NCALD: variants seen among roughly 807,000 people sequenced by gnomAD.
The protein encoded by NCALD is neurocalcin delta, also known as neurocalcin-delta.
A neutral mutation model predicts 18.6 loss-of-function variants in NCALD; 10 were observed. The observed-to-expected ratio is 0.54, with a 90% CI of 0.33 to 0.91. NCALD has a LOEUF of 0.91. Ranked by LOEUF, NCALD falls within the 40% of genes least tolerant of loss-of-function variation. The pLI is 0.03. For synonymous variants in NCALD, 88 were observed against 87.4 expected (o/e 1.01, Z -0.04); for missense variants, 184 against 247.6 (o/e 0.74, Z 1.72).
intron 4 of NCALD, among the ~76,000 whole-genome samples, chr8:101,886,638 T>C (rs1816684016): frequency 6.6e-6 from 1 of 152,204 alleles, no homozygotes; most frequent in African/African-American, 2.4e-5. Flanking sequence ...TAACAGGAAA[T>C]TCACTATTGC....
At chr8:102,117,938 G>A (rs1825839585) in intron 1 of NCALD, among the ~76,000 whole-genome samples, 1 of 152,192 alleles carries the variant, frequency 6.6e-6, no homozygotes, top group African/African-American at 2.4e-5. Flanking sequence ...CTGATTATTT[G>A]TCAGTCTTCA....
intron 4 of NCALD, among the ~76,000 whole-genome samples, chr8:101,864,593 C>CTTTTTTT (rs34516996): frequency 2.9e-5 from 4 of 136,884 alleles, no homozygotes; most frequent in Admixed American, 7.4e-5. Context: ...TCTTTCCTTT[C>CTTTTTTT]TTTTTTTTTT....
At chr8:101,727,739 A>G (rs1488763147) in intron 1 of NCALD, among the ~76,000 whole-genome samples, 1 of 152,202 alleles carries the variant, frequency 6.6e-6, no homozygotes, top group Non-Finnish European at 1.5e-5. Context: ...TAAAGTTAGA[A>G]TTCCCTCTTT....
intron 4 of NCALD, among the ~76,000 whole-genome samples, chr8:101,843,626 G>C (rs1814743623): frequency 7.4e-6 from 1 of 135,700 alleles, no homozygotes; most frequent in Non-Finnish European, 1.5e-5. Flanking sequence ...ACACAGGCTG[G>C]AGTGCAGTGG....
chr8:102,066,114 G>A (rs1317479440), intron 1 of NCALD, among the ~76,000 whole-genome samples: 1 of 152,220 alleles, frequency 6.6e-6, no homozygotes, highest in East Asian at 1.9e-4. Flanking sequence ...CCCGGAAGGT[G>A]AGGCCAGTCA....
At chr8:102,044,160 A>C (rs1303296967) in intron 1 of NCALD, among the ~76,000 whole-genome samples, 1 of 152,014 alleles carries the variant, frequency 6.6e-6, no homozygotes, top group African/African-American at 2.4e-5. Flanking sequence ...ATTTTTAAAA[A>C]GTTCTTTTTT....
At chr8:101,937,160 G>A (rs1165492908) in intron 2 of NCALD, among the ~76,000 whole-genome samples, 4 of 152,014 alleles carry the variant, frequency 2.6e-5, no homozygotes, top group African/African-American at 9.7e-5. Context: ...TCATTCTAGG[G>A]ATCCAGTGCT....
intron 2 of NCALD, among the ~76,000 whole-genome samples, chr8:101,945,237 C>A (rs917602302): frequency 6.6e-6 from 1 of 152,160 alleles, no homozygotes; most frequent in Non-Finnish European, 1.5e-5. Flanking sequence ...TTTATTGAGC[C>A]TCTACTATGT....
At chr8:102,080,011 C>A (rs950816046) in intron 1 of NCALD, among the ~76,000 whole-genome samples, 1 of 152,202 alleles carries the variant, frequency 6.6e-6, no homozygotes, top group Non-Finnish European at 1.5e-5. Flanking sequence ...TGTCAAATAA[C>A]AGGGAAGACG....
chr8:101,776,024 C>G lies in NCALD; in HGVS notation c.-20+14838G>C, dbSNP rs192133794. On this transcript the variant is annotated intron_variant, in intron 1 of 3. Transcript: ENST00000220931. Reference sequence around the variant, plus strand: ...GATGTGATGGGTACGCCCTTGGAGTCAGGGTCTCTGCCTCATCAAGTGAGG... The same window carrying G: ...GATGTGATGGGTACGCCCTTGGAGTGAGGGTCTCTGCCTCATCAAGTGAGG... Among the ~76,000 whole-genome samples the G allele has an allele frequency of 3.3e-5, 5 of 152,294 alleles. No homozygotes were observed. The East Asian group carries it at 9.6e-4, about 29-fold the overall frequency.
intron 4 of NCALD, among the ~76,000 whole-genome samples, chr8:101,806,624 G>A (rs1466709695): frequency 6.6e-6 from 1 of 152,102 alleles, no homozygotes; most frequent in Non-Finnish European, 1.5e-5. Context: ...AAAAAAGAAT[G>A]AGTGAGGCTG....
At chr8:102,054,867 C>T (rs372829944) in intron 1 of NCALD, among the ~76,000 whole-genome samples, 5 of 152,126 alleles carry the variant, frequency 3.3e-5, no homozygotes, top group Admixed American at 2.0e-4. Flanking sequence ...TCCACACACA[C>T]GTCTTATTGA....
At chr8:102,050,094 G>A (rs535567632) in intron 1 of NCALD, among the ~76,000 whole-genome samples, 16 of 144,082 alleles carry the variant, frequency 1.1e-4, no homozygotes, top group Admixed American at 1.0e-3. Flanking sequence ...CCCGGGAAGC[G>A]GAGCTTGCAG....
chr8:102,110,622 G>T (rs1337646775), intron 1 of NCALD, among the ~76,000 whole-genome samples: 1 of 152,204 alleles, frequency 6.6e-6, no homozygotes, highest in East Asian at 1.9e-4. Flanking sequence ...GGTAAAAGAA[G>T]ATGAAATCGA....
At chr8:101,774,210 T>C (rs1227673422) in intron 1 of NCALD, among the ~76,000 whole-genome samples, 1 of 152,224 alleles carries the variant, frequency 6.6e-6, no homozygotes, top group Non-Finnish European at 1.5e-5. Context: ...CTTGGGAATA[T>C]GAATCAAAAG....
chr8:102,081,116 T>G (rs1236372965), intron 1 of NCALD, among the ~76,000 whole-genome samples: 1 of 152,182 alleles, frequency 6.6e-6, no homozygotes, highest in Non-Finnish European at 1.5e-5. Context: ...GTTCGAGAAC[T>G]ACTCCCTTAA....
chr8:101,764,703 C>A (rs1811271497), intron 1 of NCALD, among the ~76,000 whole-genome samples: 1 of 152,156 alleles, frequency 6.6e-6, no homozygotes, highest in South Asian at 2.1e-4. Context: ...TCATTAGCTG[C>A]CATTTATGGA....
intron 4 of NCALD, among the ~76,000 whole-genome samples, chr8:101,857,883 C>A (rs1815382940): frequency 6.6e-6 from 1 of 152,110 alleles, no homozygotes; most frequent in African/African-American, 2.4e-5. Context: ...AACCAGTTCA[C>A]CATAGCAATG....
At chr8:101,752,903 CAATGA>C (rs1420964136) in intron 1 of NCALD, among the ~76,000 whole-genome samples, 5 of 152,022 alleles carry the variant, frequency 3.3e-5, no homozygotes, top group Non-Finnish European at 5.9e-5. Context: ...TAAAAGTCAC[CAATGA>C]AATATTTTAC....
Sources: gnomAD v4.1 joint callset for allele counts (sites outside exome capture counted in the v4.1 genomes callset) on GRCh38, gnomAD v4.1.1 for gene constraint, MANE v1.5 for transcripts, NCBI Gene and HGNC (gene_info 2026-07-23, HGNC 2026-07-21) for gene names.